The following STK24 variants were observed in gnomAD, a reference collection of about 807,000 sequenced individuals.
The protein encoded by STK24 is serine/threonine-protein kinase 24.
Under a neutral mutation model 55.6 loss-of-function variants are expected in STK24, and 21 were observed. The observed-to-expected ratio is 0.38, with a 90% confidence interval of 0.27 to 0.54. The LOEUF (loss-of-function observed/expected upper bound fraction) is 0.54. Ranked by LOEUF, STK24 falls within the 20% of genes least tolerant of loss-of-function variation. The pLI, the probability that STK24 is intolerant of heterozygous loss-of-function variation, is 0.79. For synonymous variants in STK24, 200 were observed against 215.2 expected, an observed-to-expected ratio of 0.93 and a Z score of 0.62; for missense variants, 383 against 538.4, an observed-to-expected ratio of 0.71 and a Z score of 2.86.
intron 2 of STK24, among the ~76,000 whole-genome samples, chr13:98,516,890 A>C (rs61149949): frequency 0.062 from 9,504 of 152,296 alleles, 457 homozygotes; most frequent in East Asian, 0.22. Flanking sequence ...CCTTAGATCA[A>C]GGTTAGGCTG....
chr13:98,530,668 G>A (rs1896557136), intron 1 of STK24, among the ~76,000 whole-genome samples: 1 of 152,178 alleles, frequency 6.6e-6, no homozygotes, highest in Non-Finnish European at 1.5e-5. Context: ...ATGAAAAGCT[G>A]TGGTGCGCTG....
chr13:98,498,745 T>A (rs1895338179), intron 2 of STK24, among the ~76,000 whole-genome samples: 1 of 152,040 alleles, frequency 6.6e-6, no homozygotes, highest in African/African-American at 2.4e-5. Flanking sequence ...TGCACAAGAA[T>A]CCAGGAGGCA....
chr13:98,475,902 C>G (rs1894352470), intron 3 of STK24, among the ~76,000 whole-genome samples: 1 of 152,190 alleles, frequency 6.6e-6, no homozygotes, highest in Non-Finnish European at 1.5e-5. Flanking sequence ...GGCCTAGGAG[C>G]CAGGCGCCTC....
chr13:98,576,064 C>CCCGGGG, intron 1 of STK24: 10 of 984,988 alleles, frequency 1.0e-5, no homozygotes, highest in South Asian at 4.7e-5. Flanking sequence ...AGTCCAGGGT[C>CCCGGGG]CCGGGGCCGG....
At chr13:98,510,110 GAACCAACCAC>G (rs1321204668) in intron 2 of STK24, among the ~76,000 whole-genome samples, 1 of 152,194 alleles carries the variant, frequency 6.6e-6, no homozygotes, top group Non-Finnish European at 1.5e-5. Context: ...TCCATCCGAA[GAACCAACCAC>G]ATTACCCCAG....
chr13:98,570,309 C>T (rs894508122), intron 1 of STK24, among the ~76,000 whole-genome samples: 6 of 152,146 alleles, frequency 3.9e-5, no homozygotes, highest in Admixed American at 1.3e-4. Context: ...CCCAACCAAC[C>T]TTACAAAACT....
At chr13:98,576,101 C>T (rs946307458) in intron 1 of STK24, 1 of 984,836 alleles carries the variant, frequency 1.0e-6, no homozygotes, top group Non-Finnish European at 1.2e-6. Context: ...CGCGGCTGTC[C>T]GAGGGATTCC....
At chr13:98,533,963 CCTT>C (rs1896644755) in intron 1 of STK24, among the ~76,000 whole-genome samples, 1 of 152,246 alleles carries the variant, frequency 6.6e-6, no homozygotes, top group Non-Finnish European at 1.5e-5. Context: ...GAGTCACACT[CCTT>C]CTCAGCACAA....
intron 1 of STK24, among the ~76,000 whole-genome samples, chr13:98,537,417 A>C (rs1422431330): frequency 6.6e-6 from 1 of 152,136 alleles, no homozygotes; most frequent in African/African-American, 2.4e-5. Context: ...CACACGGGAG[A>C]CCTCAACCCC....
At chr13:98,502,745 A>C (rs1895523970) in intron 2 of STK24, among the ~76,000 whole-genome samples, 1 of 152,212 alleles carries the variant, frequency 6.6e-6, no homozygotes, top group Admixed American at 6.5e-5. Context: ...TTCAGCCTCC[A>C]GAACTGTGAA....
chr13:98,530,725 T>C (rs1330965980), intron 1 of STK24, among the ~76,000 whole-genome samples: 4 of 152,148 alleles, frequency 2.6e-5, no homozygotes, highest in African/African-American at 4.8e-5. Context: ...AAATGGACAA[T>C]GAGCTCACAG....
chr13:98,501,345 C>A (rs1305985204), intron 2 of STK24, among the ~76,000 whole-genome samples: 1 of 152,196 alleles, frequency 6.6e-6, no homozygotes, highest in Non-Finnish European at 1.5e-5. Context: ...CAATCCTCCT[C>A]TTCCTCGGCT....
At chr13:98,484,743 C>T (rs1894741699) in intron 2 of STK24, among the ~76,000 whole-genome samples, 1 of 152,152 alleles carries the variant, frequency 6.6e-6, no homozygotes, top group Admixed American at 6.5e-5. Context: ...TTTTCTGTGT[C>T]GCCCTGATCC....
chr13:98,511,367 T>C (rs1275862649), intron 2 of STK24, among the ~76,000 whole-genome samples: 2 of 152,230 alleles, frequency 1.3e-5, no homozygotes, highest in African/African-American at 4.8e-5. Context: ...CCCCAAATGC[T>C]GGTGGGGATG....
At chr13:98,567,405 G>C (rs900192602) in intron 1 of STK24, among the ~76,000 whole-genome samples, 1 of 152,190 alleles carries the variant, frequency 6.6e-6, no homozygotes, top group Non-Finnish European at 1.5e-5. Context: ...CTCAATTCTG[G>C]ACCAGGGGGT....
rs373137817 is a variant in STK24, at chr13:98,458,352, A to G, written c.1123-1048T>C. Among the ~76,000 whole-genome samples, 7 of 152,316 alleles carry G rather than the reference A, an allele frequency of 4.6e-5. No individual in the cohort carries two copies. The East Asian group carries it at 1.4e-3, about 29-fold the overall frequency. ...CGCCTCCTCTTCAGGGAAGAAAGAA[A>G]CATCTCAGGCGACATTCAGCTTGGT... On this transcript the variant is annotated intron_variant, in intron 9 of 10. Transcript: ENST00000539966.
chr13:98,457,035 ACT>A (rs1227946651), intron 10 of STK24, 131 bp downstream of exon 10: 1 of 1,102,424 alleles, frequency 9.1e-7, no homozygotes, highest in African/African-American at 1.6e-5. Context: ...CTCTAATTCA[ACT>A]CTGTCTACCC....
chr13:98,550,456 G>A (rs1897132204), intron 1 of STK24, among the ~76,000 whole-genome samples: 1 of 152,196 alleles, frequency 6.6e-6, no homozygotes, highest in Non-Finnish European at 1.5e-5. Flanking sequence ...CTGCGCCTGG[G>A]AGGTAGAGGC....
intron 1 of STK24, among the ~76,000 whole-genome samples, chr13:98,535,025 A>G (rs983720884): frequency 1.3e-5 from 2 of 152,228 alleles, no homozygotes; most frequent in African/African-American, 4.8e-5. Flanking sequence ...CAGCATAACC[A>G]GGAGTTTCAT....
Sources: gnomAD v4.1 joint callset for allele counts (sites outside exome capture counted in the v4.1 genomes callset) on GRCh38, gnomAD v4.1.1 for gene constraint, MANE v1.5 for transcripts, NCBI Gene and HGNC (gene_info 2026-07-23, HGNC 2026-07-21) for gene names.